SCAF4: variants seen among roughly 807,000 people sequenced by gnomAD.
The protein encoded by SCAF4 is SR-related and CTD-associated factor 4.
SCAF4 carries 25 observed loss-of-function variants against 129.8 expected under a neutral mutation model. That is an observed-to-expected ratio of 0.19 (90% CI 0.14 to 0.27). SCAF4 has a LOEUF of 0.27. Among genes scored for constraint, SCAF4 ranks in the 10% least tolerant of loss-of-function variants. The probability of loss-of-function intolerance (pLI) is 1.00; values close to 1 mark genes in which losing one functional copy is unlikely to be tolerated. For synonymous variants in SCAF4, 551 were observed against 497.7 expected (o/e 1.11, Z -1.43); for missense variants, 1,246 against 1,457.1 (o/e 0.86, Z 2.36).
At chr21:31,683,096 A>G (rs994721652) in intron 19 of SCAF4, among the ~76,000 whole-genome samples, 1 of 152,242 alleles carries the variant, frequency 6.6e-6, no homozygotes, top group Admixed American at 6.5e-5. Context: ...TTCTGGATTT[A>G]GAATAGCCTT....
intron 7 of SCAF4, among the ~76,000 whole-genome samples, chr21:31,697,707 C>T (rs1172414117): frequency 6.6e-6 from 1 of 152,190 alleles, no homozygotes; most frequent in South Asian, 2.1e-4. Flanking sequence ...CCTAGAGATT[C>T]TGGTTTTGCT....
At chr21:31,697,157 A>AC (rs2050407356) in intron 7 of SCAF4, among the ~76,000 whole-genome samples, 1 of 152,168 alleles carries the variant, frequency 6.6e-6, no homozygotes, top group Non-Finnish European at 1.5e-5. Flanking sequence ...TTATTCAATC[A>AC]CCATAATGCA....
intron 1 of SCAF4, 143 bp from the exon 2 acceptor site, chr21:31,706,500 G>T: frequency 1.6e-6 from 1 of 617,300 alleles, no homozygotes. Flanking sequence ...TAGGGCAGCA[G>T]GAAGAGCTTT....
chr21:31,717,634 C>A (rs1185839695), intron 1 of SCAF4, among the ~76,000 whole-genome samples: 1 of 151,814 alleles, frequency 6.6e-6, no homozygotes, highest in Non-Finnish European at 1.5e-5. Context: ...GTCTTTGAAG[C>A]TCAGTTACTA....
intron 1 of SCAF4, among the ~76,000 whole-genome samples, chr21:31,723,722 T>C (rs149559412): frequency 9.9e-5 from 15 of 152,134 alleles, no homozygotes; most frequent in African/African-American, 3.6e-4. Context: ...AATTTTGCTA[T>C]ACAAAAAGGG....
Position 31,672,120 on chromosome 21 carries a change from G to A in SCAF4, c.2723C>T (p.Pro908Leu). ...AMPPPHGMKG[P>L]FPPHGPFVRP... ...AACAAAGGGGCCATGCGGTGGGAAG[G>A]GACCTTTCATTCCATGAGGTGGAGG... Residue 908 changes from proline to leucine, a missense_variant, in exon 20 of 20, where the codon CCC becomes CTC. By Grantham distance (98) the Pro-to-Leu change is moderately conservative. This residue lies in a region of SCAF4 where 339 missense variants were observed against 325.0 expected (regional missense o/e 1.04). Coordinates refer to ENST00000286835, the MANE Select transcript of SCAF4 (RefSeq NM_020706.2). 6.2e-7 allele frequency: 1 copy of A among 1,610,714 alleles called. No individual in the cohort carries two copies. Among genetic ancestry groups the A allele is most frequent in the Non-Finnish European group, 8.5e-7 (1 of 1,177,404 alleles).
chr21:31,701,639 C>G (rs981955713), intron 6 of SCAF4, 137 bp downstream of exon 6: 2 of 876,112 alleles, frequency 2.3e-6, no homozygotes, highest in South Asian at 2.2e-5. Flanking sequence ...TACATTACTT[C>G]TCTTGTGAAG....
At chr21:31,694,354 C>G (rs1487353447) in intron 10 of SCAF4, 65 bp from the exon 11 acceptor site, 1 of 993,170 alleles carries the variant, frequency 1.0e-6, no homozygotes, top group African/African-American at 1.6e-5. Flanking sequence ...AGGACAAAAT[C>G]TAACAAAAGC....
At chr21:31,694,355 T>G (rs2123544425) in intron 10 of SCAF4, 66 bp from the exon 11 acceptor site, 1 of 995,948 alleles carries the variant, frequency 1.0e-6, no homozygotes, top group South Asian at 1.5e-5. Context: ...GGACAAAATC[T>G]AACAAAAGCT....
chr21:31,678,962 A>G (rs1456371290), intron 19 of SCAF4, among the ~76,000 whole-genome samples: 2 of 152,150 alleles, frequency 1.3e-5, no homozygotes, highest in Non-Finnish European at 2.9e-5. Context: ...CTGGCACACA[A>G]TGGTTATTGA....
chr21:31,726,861 G>C (rs1162778526), intron 1 of SCAF4, among the ~76,000 whole-genome samples: 1 of 152,068 alleles, frequency 6.6e-6, no homozygotes, highest in Non-Finnish European at 1.5e-5. Context: ...AGCCGTGCTG[G>C]TGCCACTACA....
At chr21:31,705,519 C>T (rs1280146975) in intron 2 of SCAF4, 52 bp from the exon 3 acceptor site, 3 of 793,296 alleles carry the variant, frequency 3.8e-6, no homozygotes, top group African/African-American at 1.8e-5. Flanking sequence ...TTCTACATTT[C>T]CTATAATTAG....
chr21:31,726,268 A>G (rs2051201852), intron 1 of SCAF4, among the ~76,000 whole-genome samples: 1 of 152,116 alleles, frequency 6.6e-6, no homozygotes, highest in Non-Finnish European at 1.5e-5. Context: ...AATGGTCTCG[A>G]TCTCTTGACT....
At position 31,701,145 on chromosome 21, in the gene SCAF4, T is replaced by A; in HGVS notation, c.627A>T (p.Gln209His). ...CAGGAGACTGTGGTTTTGGAGGCTGTTGAAAAGTCTGAAGGATCTGCTGAA... is the reference window on the plus strand; with the variant it reads ...CAGGAGACTGTGGTTTTGGAGGCTGATGAAAAGTCTGAAGGATCTGCTGAA... ...QQLQQILQTFQQPPKPQSPAL... is the reference protein window; with the variant it reads ...QQLQQILQTFHQPPKPQSPAL... The change falls in exon 7 of 20, where the codon CAA becomes CAT. Residue 209 changes from glutamine (Q) to histidine (H), a missense_variant. Gln to His is a conservative substitution (Grantham distance 24, BLOSUM62 0). Around this residue, in one of 6 missense-constraint regions of SCAF4, gnomAD observed 143 missense variants for 161.0 expected, o/e 0.89. Transcript: ENST00000286835. The A allele has an allele frequency of 6.3e-7, 1 of 1,599,270 alleles. No homozygotes were observed. Among genetic ancestry groups the A allele is most frequent in the Non-Finnish European group, 8.5e-7 (1 of 1,172,154 alleles).
At chr21:31,723,627 T>TGCGCGCGCGCGC (rs200958555) in intron 1 of SCAF4, among the ~76,000 whole-genome samples, 2 of 142,574 alleles carry the variant, frequency 1.4e-5, no homozygotes, top group Non-Finnish European at 3.1e-5. Context: ...TGTGTGTGTG[T>TGCGCGCGCGCGC]GTGCGCGCGC....
Position 31,706,543 on chromosome 21 carries a change from C to A in SCAF4, c.31-186G>T, listed in dbSNP as rs2275973. The stretch of plus-strand genomic sequence containing the variant: ...AGGCACCCAGCACACACCCTCCCCA[C>A]TGCCGTGATACCCAAGAAGAAGGTT... On this transcript the variant is annotated intron_variant, in intron 1 of 19. Transcript: ENST00000286835. 6.9e-4 allele frequency: 392 copies of A among 566,436 alleles called. 7 individuals are homozygous for A. The East Asian group carries it at 0.011, about 16-fold the overall frequency. The allele number at this position is 566,436 out of a possible 1,614,324, so 35.1% of individuals were successfully genotyped here.
chr21:31,731,155 T>A (rs1235696057), intron 1 of SCAF4, among the ~76,000 whole-genome samples: 1 of 151,720 alleles, frequency 6.6e-6, no homozygotes, highest in African/African-American at 2.4e-5. Context: ...GGGATCAGAG[T>A]CCAGCCGTCG....
chr21:31,729,556 C>A (rs1435781287), intron 1 of SCAF4, among the ~76,000 whole-genome samples: 1 of 151,270 alleles, frequency 6.6e-6, no homozygotes. Flanking sequence ...CTCAGAGATT[C>A]AAGATTATAT....
chr21:31,695,290 C>G (rs1275877790), intron 9 of SCAF4, among the ~76,000 whole-genome samples: 8 of 152,112 alleles, frequency 5.3e-5, no homozygotes, highest in Admixed American at 5.2e-4. Flanking sequence ...GTCAGAAGTA[C>G]TCCATTGCAA....
Sources: allele counts gnomAD v4.1 joint callset (sites outside exome capture counted in the v4.1 genomes callset), GRCh38; gene constraint gnomAD v4.1.1; regional missense constraint gnomAD v4.1.1; transcripts MANE v1.5; gene names NCBI Gene and HGNC (gene_info 2026-07-23, HGNC 2026-07-21).